IQSEC3: variants seen among roughly 807,000 people sequenced by gnomAD.
IQSEC3 encodes the protein IQ motif and Sec7 domain ArfGEF 3.
A neutral mutation model predicts 105.4 loss-of-function variants in IQSEC3; 50 were observed. That is an observed-to-expected ratio of 0.47 (90% CI 0.38 to 0.60). The LOEUF is 0.60. Ranked by LOEUF, IQSEC3 falls within the 20% of genes least tolerant of loss-of-function variation. IQSEC3 has a pLI of 0.00. For synonymous variants in IQSEC3, 708 were observed against 746.0 expected (o/e 0.95, Z 0.83); for missense variants, 1,415 against 1,630.0 (o/e 0.87, Z 2.27).
At chr12:139,580 A>G (rs1865932978) in intron 4 of IQSEC3, 2 of 442,138 alleles carry the variant, frequency 4.5e-6, no homozygotes, top group Non-Finnish European at 7.9e-6. Context: ...ATTAAAGGAA[A>G]AAAATAACAC....
At chr12:122,432 G>C (rs782229897) in intron 2 of IQSEC3, among the ~76,000 whole-genome samples, 5 of 152,230 alleles carry the variant, frequency 3.3e-5, no homozygotes, top group Non-Finnish European at 7.3e-5. Flanking sequence ...ATATGTGAGA[G>C]AGAGATTGTG....
At chr12:157,400 A>G (rs1461659294) in intron 6 of IQSEC3, 128 bp from the exon 7 acceptor site, 7 of 1,178,776 alleles carry the variant, frequency 5.9e-6, no homozygotes, top group Non-Finnish European at 8.1e-6. Context: ...TATGGGACAG[A>G]CACTGGTCTC....
At chr12:151,106 C>A (rs1246050144) in intron 5 of IQSEC3, among the ~76,000 whole-genome samples, 3 of 138,140 alleles carry the variant, frequency 2.2e-5, no homozygotes, top group Non-Finnish European at 4.8e-5. Flanking sequence ...GAGACTCCGT[C>A]TCTCCTCCAG....
Position 125,819 on chromosome 12 carries a change from C to G in IQSEC3, c.810C>G (p.Pro270=). Reference sequence around the variant, plus strand: ...CTGGCCCCCAGCACAAGGCCTCCCCCGGCCGGCAGCAGCCTGCCCTGGCGA... The same window carrying G: ...CTGGCCCCCAGCACAAGGCCTCCCCGGGCCGGCAGCAGCCTGCCCTGGCGA... ...PRAGPQHKAS[P]GRQQPALATA... The change falls in exon 3 of 14, where the codon CCC becomes CCG. Residue 270 remains proline (P), a synonymous_variant. Coordinates refer to ENST00000538872, the MANE Select transcript of IQSEC3 (RefSeq NM_001170738.2). 2.6e-6 allele frequency: 4 copies of G among 1,528,620 alleles called. No homozygotes were observed. Among genetic ancestry groups the G allele is most frequent in the Non-Finnish European group, 1.7e-6 (2 of 1,144,094 alleles). 94.7% of individuals were successfully genotyped at this position (1,528,620 alleles called of 1,614,324 possible). A position where few individuals can be genotyped will look rare whatever the true frequency, so the allele number is the denominator to read the frequency against.
Position 174,911 on chromosome 12 carries a change from G to T in IQSEC3, c.3427G>T (p.Val1143Phe). The change falls in exon 14 of 14, where the codon GTC becomes TTC. Residue 1143 changes from valine (V) to phenylalanine (F), a missense_variant. By Grantham distance (50) the Val-to-Phe change is conservative (BLOSUM62 -1). Coordinates refer to ENST00000538872, the MANE Select transcript of IQSEC3 (RefSeq NM_001170738.2). ...PLGGPGSPVK[V>F]THQPPLPPPP... ...GGGCGGTCCCGGCTCTCCGGTCAAG[G>T]TCACCCACCAGCCTCCGCTGCCCCC... 1 of 1,557,918 alleles carries T rather than the reference G, an allele frequency of 6.4e-7. No individual in the cohort carries two copies. The highest frequency in any genetic ancestry group is 8.6e-7 in the Non-Finnish European group (1 of 1,159,930).
intron 1 of IQSEC3, among the ~76,000 whole-genome samples, chr12:96,794 G>A (rs1226884930): frequency 6.6e-6 from 1 of 152,146 alleles, no homozygotes; most frequent in African/African-American, 2.4e-5. Flanking sequence ...TTCCCATCAT[G>A]GCCTGAACTA....
intron 4 of IQSEC3, 94 bp downstream of exon 4, chr12:139,448 G>C: frequency 9.2e-7 from 1 of 1,086,734 alleles, no homozygotes; most frequent in Non-Finnish European, 1.3e-6. Flanking sequence ...AGGGCGCCAG[G>C]TAACTTCCCA....
At chr12:74,965 C>T (rs1555068621) in intron 1 of IQSEC3, among the ~76,000 whole-genome samples, 1 of 152,252 alleles carries the variant, frequency 6.6e-6, no homozygotes, top group Non-Finnish European at 1.5e-5. Flanking sequence ...AGGGCTGCTT[C>T]ACAGGTGTGC....
intron 2 of IQSEC3, among the ~76,000 whole-genome samples, chr12:108,436 T>C (rs1370895023): frequency 6.6e-6 from 1 of 152,278 alleles, no homozygotes; most frequent in Non-Finnish European, 1.5e-5. Flanking sequence ...TAAGGTTTGT[T>C]TGTTTCCATC....
At chr12:68,681 G>C (rs527341499) in intron 1 of IQSEC3, among the ~76,000 whole-genome samples, 1 of 152,390 alleles carries the variant, frequency 6.6e-6, no homozygotes, top group Non-Finnish European at 1.5e-5. Flanking sequence ...GGAGGGGGAA[G>C]TAGAGCTGAG....
At chr12:173,001 G>A (rs1555100815) in intron 13 of IQSEC3, among the ~76,000 whole-genome samples, 4 of 152,198 alleles carry the variant, frequency 2.6e-5, no homozygotes, top group African/African-American at 9.7e-5. Context: ...TTCGCCTGGG[G>A]AGAGGCCGCT....
At chr12:113,319 A>G (rs1864953698) in intron 2 of IQSEC3, among the ~76,000 whole-genome samples, 1 of 152,254 alleles carries the variant, frequency 6.6e-6, no homozygotes, top group African/African-American at 2.4e-5. Flanking sequence ...CAGAAGGGCA[A>G]GAATCACTGT....
At chr12:128,076 C>T (rs549913094) in intron 3 of IQSEC3, among the ~76,000 whole-genome samples, 8 of 152,274 alleles carry the variant, frequency 5.3e-5, no homozygotes, top group Admixed American at 3.9e-4. Flanking sequence ...AGTTTCCGCT[C>T]CCCTCCACAC....
At chr12:94,426 C>T (rs1024263643) in intron 1 of IQSEC3, among the ~76,000 whole-genome samples, 1 of 152,198 alleles carries the variant, frequency 6.6e-6, no homozygotes, top group Non-Finnish European at 1.5e-5. Flanking sequence ...GCAGGCAAGG[C>T]AGGACTTACA....
At position 125,790 on chromosome 12, in the gene IQSEC3, A is replaced by C; in HGVS notation, c.781A>C (p.Arg261=). The change falls in exon 3 of 14, where the codon AGG becomes CGG. Residue 261 remains arginine, a synonymous_variant. Coordinates refer to ENST00000538872, the MANE Select transcript of IQSEC3 (RefSeq NM_001170738.2). ...GCCGGGGGCAGGGGCTGCCTCCCCAAGGGCTGGCCCCCAGCACAAGGCCTC... is the reference window on the plus strand; with the variant it reads ...GCCGGGGGCAGGGGCTGCCTCCCCACGGGCTGGCCCCCAGCACAAGGCCTC... The part of the protein sequence containing the change: ...ERPGAGAASP[R]AGPQHKASPG... The C allele has an allele frequency of 1.3e-6, 2 of 1,518,872 alleles. No homozygotes were observed. Among genetic ancestry groups the C allele is most frequent in the Non-Finnish European group, 1.8e-6 (2 of 1,140,016 alleles). The allele number at this position is 1,518,872 out of a possible 1,614,324, so 94.1% of individuals were successfully genotyped here. A position where few individuals can be genotyped will look rare whatever the true frequency, so the allele number is the denominator to read the frequency against.
At chr12:171,487 A>G in intron 13 of IQSEC3, 1 of 631,890 alleles carries the variant, frequency 1.6e-6, no homozygotes, top group South Asian at 1.9e-5. Context: ...CCACCTCCCC[A>G]GCAAATGCTC....
rs1311766891 is a variant in IQSEC3, at chr12:152,602, TGAG to T, written c.2154-4421_2154-4419del. On this transcript the variant is annotated intron_variant, in intron 5 of 13. Transcript: ENST00000538872. The surrounding 1 kb of genome is among the most constrained non-coding windows in gnomAD (Gnocchi z 4.8). ...TTCATATTGCACAAGCTTGAGAAGA[TGAG>T]GTCATTGCACACATAGTGAAGCACT... Among the ~76,000 whole-genome samples, 3 of 152,162 alleles carry T rather than the reference TGAG, an allele frequency of 2.0e-5. No individual in the cohort carries two copies. Among genetic ancestry groups the T allele is most frequent in the Non-Finnish European group, 4.4e-5 (3 of 68,034 alleles).
intron 5 of IQSEC3, among the ~76,000 whole-genome samples, chr12:150,741 G>C (rs1304484646): frequency 2.0e-5 from 3 of 152,212 alleles, no homozygotes; most frequent in Non-Finnish European, 4.4e-5. Flanking sequence ...GCAGGTTGAA[G>C]AGTGAATGGA....
chr12:106,271 T>C (rs1864646741), intron 2 of IQSEC3, among the ~76,000 whole-genome samples: 1 of 152,214 alleles, frequency 6.6e-6, no homozygotes, highest in Non-Finnish European at 1.5e-5. Context: ...TTGCAGCCTG[T>C]AACCACCAGG....
Sources: gnomAD v4.1 joint callset for allele counts (sites outside exome capture counted in the v4.1 genomes callset) on GRCh38, gnomAD v4.1.1 for gene constraint, Gnocchi (gnomAD v3.1) non-coding constraint, MANE v1.5 for transcripts, NCBI Gene and HGNC (gene_info 2026-07-23, HGNC 2026-07-21) for gene names.